The following FAM227B variants were observed in gnomAD, a reference collection of about 807,000 sequenced individuals.
FAM227B encodes the protein protein FAM227B.
Under a neutral mutation model 73.8 loss-of-function variants are expected in FAM227B, and 88 were observed. The observed-to-expected ratio is 1.19, with a 90% CI of 1.00 to 1.42. The LOEUF (loss-of-function observed/expected upper bound fraction) is 1.42, where lower values mean the gene tolerates loss of function less well. FAM227B is among the 40% of genes most tolerant of loss of function. The pLI, the probability that FAM227B is intolerant of heterozygous loss-of-function variation, is 0.00. For synonymous variants in FAM227B, 210 were observed against 190.5 expected, an observed-to-expected ratio of 1.10 and a Z score of -0.84; for missense variants, 632 against 590.9, an observed-to-expected ratio of 1.07 and a Z score of -0.72.
chr15:49,385,466 G>C (rs754115782), intron 11 of FAM227B, among the ~76,000 whole-genome samples: 5 of 151,618 alleles, frequency 3.3e-5, no homozygotes, highest in African/African-American at 4.8e-5. Context: ...ATATTGTAAA[G>C]GTTGTATAAA....
At chr15:49,495,083 A>G (rs2057478449) in intron 11 of FAM227B, among the ~76,000 whole-genome samples, 1 of 152,216 alleles carries the variant, frequency 6.6e-6, no homozygotes. Flanking sequence ...CATTTAGTAT[A>G]ATATGCTAAT....
Position 49,542,825 on chromosome 15 carries a change from G to A in FAM227B, c.748-1019C>T, listed in dbSNP as rs1342529186. ...TTATATAGGTAAATTACATGTGAAG[G>A]AGGTTTGTGAACAGATTATTTCTTT... On this transcript the variant is annotated intron_variant, in intron 9 of 15. Transcript: ENST00000299338. Among the ~76,000 whole-genome samples the A allele has an allele frequency of 2.6e-5, 4 of 151,618 alleles. No individual in the cohort carries two copies. The East Asian group carries it at 7.7e-4, about 29-fold the overall frequency.
chr15:49,332,738 C>G (rs1352485176), intron 14 of FAM227B, among the ~76,000 whole-genome samples: 1 of 152,156 alleles, frequency 6.6e-6, no homozygotes, highest in East Asian at 1.9e-4. Flanking sequence ...TTCTGCAAAT[C>G]CCAAATACAT....
At chr15:49,581,936 C>G (rs1035164182) in intron 5 of FAM227B, among the ~76,000 whole-genome samples, 1 of 152,186 alleles carries the variant, frequency 6.6e-6, no homozygotes, top group Non-Finnish European at 1.5e-5. Context: ...CTGAACTACG[C>G]AAGGCCATCT....
At chr15:49,515,222 T>C (rs2152131889) in intron 10 of FAM227B, among the ~76,000 whole-genome samples, 1 of 152,270 alleles carries the variant, frequency 6.6e-6, no homozygotes, top group East Asian at 1.9e-4. Flanking sequence ...ATGTTCAAGT[T>C]AATGGATTCT....
chr15:49,467,349 C>T (rs2054359645), intron 11 of FAM227B, among the ~76,000 whole-genome samples: 1 of 152,066 alleles, frequency 6.6e-6, no homozygotes, highest in Admixed American at 6.5e-5. Flanking sequence ...TCTTCTAGCC[C>T]CATCAAATTC....
chr15:49,390,214 A>C (rs1358758924), intron 11 of FAM227B, among the ~76,000 whole-genome samples: 1 of 151,990 alleles, frequency 6.6e-6, no homozygotes, highest in East Asian at 1.9e-4. Context: ...CACCTGCTGC[A>C]CTGATTATAA....
rs371405816 is a variant in FAM227B at position 49,541,745 on chromosome 15, G to A, written c.809C>T (p.Ser270Leu). 33 of 1,543,384 alleles carry A rather than the reference G, an allele frequency of 2.1e-5. No homozygotes were observed. The highest frequency in any genetic ancestry group is 6.9e-5 in the African/African-American group (5 of 72,206). ...AAATTCATCATTAAAGAGGTAACTC[G>A]ATTCTGGAAATGCTTCATGGAACGT... ...YATFHEAFPE[S>L]SYLFNDEFKE... Residue 270 changes from serine (S) to leucine (L), a missense_variant, in exon 10 of 16, where the codon TCG (serine) becomes TTG (leucine). Coordinates refer to ENST00000299338, the MANE Select transcript of FAM227B (RefSeq NM_152647.3).
Position 49,531,363 on chromosome 15 carries a change from A to T in FAM227B, c.874+10317T>A, listed in dbSNP as rs1157997221. On this transcript the variant is annotated intron_variant, in intron 10 of 15. Coordinates refer to ENST00000299338, the MANE Select transcript of FAM227B (RefSeq NM_152647.3). Reference sequence around the variant, plus strand: ...ATTAGATTTCAATAAAATAATGTTAAAAACAAATAATCATAGAAAAATTTA... The same window carrying T: ...ATTAGATTTCAATAAAATAATGTTATAAACAAATAATCATAGAAAAATTTA... Among the ~76,000 whole-genome samples the T allele has an allele frequency of 2.6e-5, 4 of 151,972 alleles. No homozygotes were observed. In the East Asian group the frequency reaches 7.7e-4, roughly 29 times the overall value.
At chr15:49,355,939 C>T (rs2043082895) in intron 13 of FAM227B, among the ~76,000 whole-genome samples, 1 of 151,434 alleles carries the variant, frequency 6.6e-6, no homozygotes, top group South Asian at 2.1e-4. Context: ...CAATATTCAA[C>T]ATTCTTAAAG....
At chr15:49,508,873 G>A (rs1321200926) in intron 10 of FAM227B, among the ~76,000 whole-genome samples, 1 of 152,134 alleles carries the variant, frequency 6.6e-6, no homozygotes, top group Non-Finnish European at 1.5e-5. Flanking sequence ...TTGAAGTATA[G>A]TAAGGCCAAC....
chr15:49,558,949 C>T (rs2074003541), intron 9 of FAM227B, among the ~76,000 whole-genome samples: 1 of 150,532 alleles, frequency 6.6e-6, no homozygotes, highest in South Asian at 2.2e-4. Flanking sequence ...CCACCATTTA[C>T]AAGCAGCAGC....
intron 11 of FAM227B, among the ~76,000 whole-genome samples, chr15:49,495,358 TC>T (rs2057504973): frequency 6.6e-6 from 1 of 152,242 alleles, no homozygotes; most frequent in Non-Finnish European, 1.5e-5. Flanking sequence ...TCTGAATAGT[TC>T]CGTTAAATTT....
intron 5 of FAM227B, among the ~76,000 whole-genome samples, chr15:49,578,963 C>T (rs1033156753): frequency 6.6e-6 from 1 of 152,088 alleles, no homozygotes; most frequent in Non-Finnish European, 1.5e-5. Flanking sequence ...AACAACTCAA[C>T]AGCAAAACTA....
At chr15:49,404,645 C>T (rs1241814594) in intron 11 of FAM227B, among the ~76,000 whole-genome samples, 1 of 151,796 alleles carries the variant, frequency 6.6e-6, no homozygotes, top group South Asian at 2.1e-4. Context: ...TACTTTAAGA[C>T]TATGGGTGTC....
In FAM227B at chr15:49,327,844, A is replaced by G; in HGVS notation, c.*724T>C. Reference sequence around the variant, plus strand: ...GTTTGATGACACCTAAAAACCCCGCATGTATTTTCTTCTTAGAACTTAGAT... The same window carrying G: ...GTTTGATGACACCTAAAAACCCCGCGTGTATTTTCTTCTTAGAACTTAGAT... On this transcript the variant is annotated 3_prime_UTR_variant, in exon 16 of 16. Coordinates refer to ENST00000299338, the MANE Select transcript of FAM227B (RefSeq NM_152647.3). 1 of 1,005,454 alleles carries G rather than the reference A, an allele frequency of 9.9e-7. No homozygotes were observed. Among genetic ancestry groups the G allele is most frequent in the Admixed American group, 2.7e-5 (1 of 37,700 alleles). The allele number at this position is 1,005,454 out of a possible 1,614,324, so 62.3% of individuals were successfully genotyped here.
chr15:49,367,652 T>C (rs2045423558), intron 12 of FAM227B, 44 bp from the exon 13 acceptor site: 1 of 1,511,364 alleles, frequency 6.6e-7, no homozygotes, highest in Non-Finnish European at 8.8e-7. Flanking sequence ...TACTTTTGTG[T>C]TTCTAAAAAA....
chr15:49,445,631 G>A (rs1175627434), intron 11 of FAM227B, among the ~76,000 whole-genome samples: 1 of 151,242 alleles, frequency 6.6e-6, no homozygotes, highest in African/African-American at 2.4e-5. Flanking sequence ...ACATCACTGT[G>A]TACACCATAA....
intron 11 of FAM227B, chr15:49,487,172 G>A (rs1006447106): frequency 1.3e-5 from 2 of 151,794 alleles, no homozygotes; most frequent in Non-Finnish European, 2.9e-5. Flanking sequence ...GACTCAAAAG[G>A]AGAAAAGAAA....
Sources: allele counts gnomAD v4.1 joint callset (sites outside exome capture counted in the v4.1 genomes callset), GRCh38; gene constraint gnomAD v4.1.1; transcripts MANE v1.5; gene names NCBI Gene and HGNC (gene_info 2026-07-23, HGNC 2026-07-21).